Variants in TMEM184C observed in about 807,000 individuals in gnomAD.
The protein encoded by TMEM184C is transmembrane protein 184C.
In TMEM184C, 25 loss-of-function variants were observed where a neutral mutation model predicts 54.5. That is an observed-to-expected ratio of 0.46 (90% CI 0.33 to 0.64). The LOEUF (loss-of-function observed/expected upper bound fraction) is 0.64. Ranked by LOEUF, TMEM184C falls within the 30% of genes least tolerant of loss-of-function variation. The pLI is 0.02. For missense variants in TMEM184C, 335 were observed against 520.3 expected (o/e 0.64, Z 3.46); for synonymous variants, 148 against 181.5 (o/e 0.82, Z 1.49).
intron 7 of TMEM184C, among the ~76,000 whole-genome samples, chr4:147,632,163 ACT>A (rs1191707810): frequency 2.5e-5 from 3 of 118,534 alleles, no homozygotes; most frequent in South Asian, 3.2e-4. Flanking sequence ...CCAGAGTGAA[ACT>A]CTGTCTCAAA....
chr4:147,620,110 T>C (rs1056302799), intron 1 of TMEM184C, among the ~76,000 whole-genome samples: 8 of 152,246 alleles, frequency 5.3e-5, no homozygotes, highest in African/African-American at 1.9e-4. Context: ...GATATTATTC[T>C]CATTCCTTTA....
At chr4:147,631,280 C>A in intron 6 of TMEM184C, 113 bp from the exon 7 acceptor site, 2 of 675,132 alleles carry the variant, frequency 3.0e-6, no homozygotes, top group Non-Finnish European at 4.8e-6. Flanking sequence ...ATAATAAAGC[C>A]TAGAAAAGTT....
rs1014167637 is a variant in TMEM184C, at chr4:147,623,902, G to C, written c.192G>C (p.Leu64=). 1 of 1,611,386 alleles carries C rather than the reference G, an allele frequency of 6.2e-7. No homozygotes were observed. The highest frequency in any genetic ancestry group is 1.3e-5 in the African/African-American group (1 of 74,860). ...IFLLLTIPIS[L]WVILQHLVHY... ...TGCTGTTGACTATTCCTATATCACTGTGGGTGATATTGCAACACTTAGTGC... is the reference window on the plus strand; with the variant it reads ...TGCTGTTGACTATTCCTATATCACTCTGGGTGATATTGCAACACTTAGTGC... The change falls in exon 2 of 10, where the codon CTG becomes CTC. Residue 64 remains leucine (L), a synonymous_variant. Transcript: ENST00000296582.
rs552976542 is a variant in TMEM184C, at chr4:147,630,358, T to C, written c.666+666T>C. On this transcript the variant is annotated intron_variant, in intron 6 of 9. Coordinates refer to ENST00000296582, the MANE Select transcript of TMEM184C (RefSeq NM_018241.3). ...CTTTATAATAAAAATTAAATGTCCA[T>C]GTAGCTAAAGTTTTCCCACATGTTC... Among the ~76,000 whole-genome samples the C allele has an allele frequency of 5.3e-5, 8 of 152,190 alleles. No individual in the cohort carries two copies. The East Asian group carries it at 1.5e-3, about 29-fold the overall frequency.
intron 7 of TMEM184C, among the ~76,000 whole-genome samples, chr4:147,632,394 G>T (rs904783695): frequency 6.6e-6 from 1 of 152,084 alleles, no homozygotes. Flanking sequence ...ATTCGACAAT[G>T]TTCAGTAGTA....
rs996820550 is a variant in TMEM184C, at chr4:147,634,300, A to C, written c.1183A>C (p.Met395Leu). Reference protein sequence around the residue: ...SIASSMPPSPMGHYQGFGHTV... With the variant: ...SIASSMPPSPLGHYQGFGHTV... Reference sequence around the variant, plus strand: ...TGCTTCTTCTATGCCACCTTCACCCATGGGTCACTACCAAGGGTTTGGACA... The same window carrying C: ...TGCTTCTTCTATGCCACCTTCACCCCTGGGTCACTACCAAGGGTTTGGACA... Residue 395 changes from methionine (M) to leucine (L), a missense_variant, in exon 10 of 10, where the codon ATG (methionine) becomes CTG (leucine). Met to Leu is a conservative substitution (Grantham distance 15). Transcript: ENST00000296582. The C allele has an allele frequency of 6.2e-7, 1 of 1,614,200 alleles. No individual in the cohort carries two copies. The highest frequency in any genetic ancestry group is 1.1e-5 in the South Asian group (1 of 91,082).
chr4:147,624,167 T>A, intron 3 of TMEM184C, 69 bp downstream of exon 3: 1 of 1,355,196 alleles, frequency 7.4e-7, no homozygotes, highest in Non-Finnish European at 1.0e-6. Flanking sequence ...ACAGAATGCT[T>A]AAGATAATGA....
chr4:147,623,255 T>G (rs914864746), intron 1 of TMEM184C, among the ~76,000 whole-genome samples: 1 of 152,026 alleles, frequency 6.6e-6, no homozygotes, highest in African/African-American at 2.4e-5. Context: ...CAGACCAGGC[T>G]GGCCAACAGG....
chr4:147,623,442 A>AG (rs1732750455), intron 1 of TMEM184C, among the ~76,000 whole-genome samples: 1 of 151,794 alleles, frequency 6.6e-6, no homozygotes, highest in African/African-American at 2.4e-5. Context: ...CAAAAAAAAA[A>AG]AAAGAAAAAG....
In TMEM184C at chr4:147,626,209, G is replaced by C. The variant is rs148442115; in HGVS notation, c.497+1200G>C. Among the ~76,000 whole-genome samples, 450 of 152,274 alleles carry C rather than the reference G, an allele frequency of 3.0e-3. 3 individuals carry two copies. The highest frequency in any genetic ancestry group is 9.8e-3 in the African/African-American group (408 of 41,544). ...CCTAAACCATAATTTCTAATCTTAT[G>C]GCTAATGTTAGTCCTACAAAGGCAA... On this transcript the variant is annotated intron_variant, in intron 4 of 9. Transcript: ENST00000296582.
chr4:147,620,916 AC>A (rs1159558390), intron 1 of TMEM184C, among the ~76,000 whole-genome samples: 7 of 152,228 alleles, frequency 4.6e-5, no homozygotes, highest in Non-Finnish European at 8.8e-5. Flanking sequence ...AGCTGCAGAT[AC>A]AAATGTGAGA....
Position 147,629,657 on chromosome 4 carries a change from A to G in TMEM184C, c.631A>G (p.Thr211Ala). ...EGNFSFSNAWTYLVIINNMSQ... is the reference protein window; with the variant it reads ...EGNFSFSNAWAYLVIINNMSQ... ...GAACTTTAGCTTTTCAAATGCTTGG[A>G]CTTATTTGGTTATAATAAACAACAT... Residue 211 changes from threonine to alanine, a missense_variant, in exon 6 of 10, where the codon ACT (threonine) becomes GCT (alanine). Transcript: ENST00000296582. 1 of 1,594,752 alleles carries G rather than the reference A, an allele frequency of 6.3e-7. No homozygotes were observed.
intron 1 of TMEM184C, among the ~76,000 whole-genome samples, chr4:147,619,817 T>C (rs1436538643): frequency 6.6e-6 from 1 of 152,218 alleles, no homozygotes; most frequent in Admixed American, 6.5e-5. Flanking sequence ...CCAACATGTC[T>C]TGCTTGGACT....
intron 1 of TMEM184C, among the ~76,000 whole-genome samples, chr4:147,622,562 A>AT (rs1732730627): frequency 6.6e-6 from 1 of 152,154 alleles, no homozygotes; most frequent in South Asian, 2.1e-4. Context: ...AGTTTTAGGT[A>AT]TTCACTGGGG....
At chr4:147,623,800 G>A (rs1262941563) in intron 1 of TMEM184C, 34 bp from the exon 2 acceptor site, 1 of 1,604,084 alleles carries the variant, frequency 6.2e-7, no homozygotes, top group Non-Finnish European at 8.5e-7. Flanking sequence ...TTTAATATCA[G>A]AATTTATATT....
At chr4:147,624,499 CTA>C (rs1732773698) in intron 3 of TMEM184C, among the ~76,000 whole-genome samples, 1 of 152,148 alleles carries the variant, frequency 6.6e-6, no homozygotes, top group Admixed American at 6.6e-5. Flanking sequence ...GCAGCATTAT[CTA>C]TGATCATATT....
chr4:147,618,268 T>G (rs765826407), intron 1 of TMEM184C, among the ~76,000 whole-genome samples, 189 bp downstream of exon 1: 3 of 152,182 alleles, frequency 2.0e-5, no homozygotes, highest in Non-Finnish European at 4.4e-5. Context: ...CAGGTGGAGG[T>G]GGGACCGGGT....
chr4:147,618,209 G>A, intron 1 of TMEM184C, 130 bp downstream of exon 1: 1 of 1,344,912 alleles, frequency 7.4e-7, no homozygotes, highest in South Asian at 1.3e-5. Flanking sequence ...CCTACTCTTA[G>A]GATATAAACC....
chr4:147,621,027 A>G (rs962674158), intron 1 of TMEM184C, among the ~76,000 whole-genome samples: 1 of 152,234 alleles, frequency 6.6e-6, no homozygotes, highest in Non-Finnish European at 1.5e-5. Flanking sequence ...AGCTCATCCC[A>G]TGCCCATGGT....
Sources: allele counts gnomAD v4.1 joint callset (sites outside exome capture counted in the v4.1 genomes callset), GRCh38; gene constraint gnomAD v4.1.1; transcripts MANE v1.5; gene names NCBI Gene and HGNC (gene_info 2026-07-23, HGNC 2026-07-21).